The following RNF14 variants were observed in gnomAD, a reference collection of about 807,000 sequenced individuals.
The protein encoded by RNF14 is ring finger protein 14, also known as E3 ubiquitin-protein ligase RNF14.
In RNF14, 26 loss-of-function variants were observed where a neutral mutation model predicts 52.6. That is an observed-to-expected ratio of 0.49 (90% CI 0.36 to 0.69). RNF14 has a LOEUF of 0.69. RNF14 is among the 30% of genes least tolerant of loss of function. RNF14 has a pLI of 0.00. For missense variants in RNF14, 404 were observed against 560.4 expected (o/e 0.72, Z 2.82); for synonymous variants, 194 against 202.0 (o/e 0.96, Z 0.34).
upstream of RNF14, chr5:141,956,064 A>T (rs763110745): frequency 6.2e-7 from 1 of 1,614,090 alleles, no homozygotes; most frequent in South Asian, 1.1e-5. Flanking sequence ...GGCCCAAGCC[A>T]TTGGGAGTCT....
In RNF14 at chr5:141,973,161, GAA is replaced by G. The variant is rs558250360; in HGVS notation, c.-6-419_-6-418del. Among the ~76,000 whole-genome samples the G allele has an allele frequency of 3.2e-4, 48 of 152,154 alleles. No homozygotes were observed. In the South Asian group the frequency reaches 1.0e-2, roughly 32 times the overall value. ...TATGGCTGTCATTTTTGGTTTAGGA[GAA>G]AAGTGATAATATCGATTAATTCTTT... On this transcript the variant is annotated intron_variant, in intron 2 of 8. Coordinates refer to ENST00000394520, the MANE Select transcript of RNF14 (RefSeq NM_004290.5).
chr5:141,957,886 T>C, upstream of RNF14: 1 of 1,571,950 alleles, frequency 6.4e-7, no homozygotes, highest in Middle Eastern at 1.7e-4. This position sits in a 1 kb window ranked among gnomAD's most constrained non-coding sequence, Gnocchi z 4.3. Context: ...CAGAAACCAC[T>C]AGAGTTCTTT....
At chr5:141,980,495 TG>T in intron 6 of RNF14, 144 bp downstream of exon 6, 1 of 687,794 alleles carries the variant, frequency 1.5e-6, no homozygotes, top group Non-Finnish European at 2.5e-6. Flanking sequence ...TCTCAGGCCT[TG>T]GGGCTGTAGT....
chr5:141,958,462 T>TG (rs1753223335), intron 1 of RNF14: 1 of 152,948 alleles, frequency 6.5e-6, no homozygotes, highest in African/African-American at 2.4e-5. Context: ...TGCTTGCACG[T>TG]GGACTGATGC....
the RNF14 span, among the ~76,000 whole-genome samples, chr5:141,951,949 T>TA: frequency 6.6e-6 from 1 of 152,268 alleles, no homozygotes; most frequent in Non-Finnish European, 1.5e-5. Flanking sequence ...AAGATTATCT[T>TA]AAAGAGTTAT....
chr5:141,971,588 TTTC>T, intron 2 of RNF14, among the ~76,000 whole-genome samples: 1 of 146,714 alleles, frequency 6.8e-6, no homozygotes, highest in Middle Eastern at 3.4e-3. Flanking sequence ...TCTTTCTTTC[TTTC>T]TTTCTTTCTT....
chr5:141,972,731 C>T lies in RNF14; in HGVS notation c.-6-852C>T, dbSNP rs563335602. On this transcript the variant is annotated intron_variant, in intron 2 of 8. Transcript: ENST00000394520. ...TCAACCTCCCGAGTAGCTGGGATTACAGGGGTGAGCCACCACACCCAGCTA... is the reference window on the plus strand; with the variant it reads ...TCAACCTCCCGAGTAGCTGGGATTATAGGGGTGAGCCACCACACCCAGCTA... Among the ~76,000 whole-genome samples, 5 of 152,206 alleles carry T rather than the reference C, an allele frequency of 3.3e-5. No individual in the cohort carries two copies. In the South Asian group the frequency reaches 1.0e-3, roughly 32 times the overall value.
chr5:141,987,753 T>C lies in RNF14; in HGVS notation c.1388T>C (p.Val463Ala), dbSNP rs780513365. 1.2e-6 allele frequency: 2 copies of C among 1,614,054 alleles called. No homozygotes were observed. Among genetic ancestry groups the C allele is most frequent in the East Asian group, 4.5e-5 (2 of 44,866 alleles). Residue 463 changes from valine to alanine, a missense_variant, in exon 9 of 9, where the codon GTT becomes GCT. By Grantham distance (64) the Val-to-Ala change is moderately conservative (BLOSUM62 0). Coordinates refer to ENST00000394520, the MANE Select transcript of RNF14 (RefSeq NM_004290.5). The stretch of plus-strand genomic sequence containing the variant: ...TCCAGGCTGTTTTATGCTGTGGATG[T>C]TGACGACGATATTTGGGAAGATGAG... Reference protein sequence around the residue: ...CFNRLFYAVDVDDDIWEDEVE... With the variant: ...CFNRLFYAVDADDDIWEDEVE...
Position 141,978,698 on chromosome 5 carries a change from C to A in RNF14, c.702C>A (p.Tyr234Ter). Residue 234 changes from tyrosine to a stop codon, truncating the protein, a stop_gained, in exon 5 of 9, where the codon TAC (tyrosine) becomes TAA (stop). Coordinates refer to ENST00000394520, the MANE Select transcript of RNF14 (RefSeq NM_004290.5). LOFTEE classifies it high-confidence loss of function. ...FCEKLGSECM[Y>*]FLECRHVYCK... ...AGAAGCTGGGTAGTGAATGCATGTA[C>A]TTCTTGGAGTGCAGGCATGTGTACT... The A allele has an allele frequency of 6.2e-7, 1 of 1,614,018 alleles. No individual in the cohort carries two copies. The highest frequency in any genetic ancestry group is 8.5e-7 in the Non-Finnish European group (1 of 1,179,876).
At chr5:141,950,607 A>C in the RNF14 span, among the ~76,000 whole-genome samples, 1 of 152,180 alleles carries the variant, frequency 6.6e-6, no homozygotes, top group African/African-American at 2.4e-5. Context: ...AGATAAAGCA[A>C]GACTTCAAAT....
At chr5:141,963,845 A>C (rs1753294870), upstream of RNF14, among the ~76,000 whole-genome samples, 1 of 152,172 alleles carries the variant, frequency 6.6e-6, no homozygotes, top group Admixed American at 6.5e-5. Flanking sequence ...CGTTACATAA[A>C]TTCTCATGGG....
upstream of RNF14, chr5:141,957,933 C>T: frequency 6.0e-6 from 9 of 1,490,462 alleles, no homozygotes; most frequent in Non-Finnish European, 7.2e-6. The surrounding 1 kb of genome is among the most constrained non-coding windows in gnomAD (Gnocchi z 4.3). Context: ...TCCTGGATGG[C>T]TTGATCAGCC....
chr5:141,973,366 T>G (rs1233629043), intron 2 of RNF14, among the ~76,000 whole-genome samples: 1 of 151,832 alleles, frequency 6.6e-6, no homozygotes, highest in Non-Finnish European at 1.5e-5. Flanking sequence ...GCCTCCCAAG[T>G]AGCTGGGATT....
In RNF14 at chr5:141,988,674, G is replaced by C. The variant is rs550611010; in HGVS notation, c.*884G>C. 6.6e-6 allele frequency: 1 copy of C among 152,304 alleles called. No homozygotes were observed. Among genetic ancestry groups the C allele is most frequent in the African/African-American group, 2.4e-5 (1 of 41,514 alleles). The allele number at this position is 152,304 out of a possible 1,614,324, so 9.4% of individuals were successfully genotyped here. ...ACACATGTTTTTATTTCCTCTGCTG[G>C]AATAGGAGAAAGCTTAATATATTCC... is the stretch of plus-strand genomic sequence containing the variant. On this transcript the variant is annotated 3_prime_UTR_variant, in exon 9 of 9. Coordinates refer to ENST00000394520, the MANE Select transcript of RNF14 (RefSeq NM_004290.5).
At chr5:141,967,349 G>A (rs1023580575), upstream of RNF14, among the ~76,000 whole-genome samples, 4 of 152,152 alleles carry the variant, frequency 2.6e-5, no homozygotes, top group African/African-American at 7.2e-5. Flanking sequence ...TAAGTTATTG[G>A]GGTACAGGTG....
upstream of RNF14, among the ~76,000 whole-genome samples, chr5:141,965,978 T>TA (rs545449787): frequency 0.034 from 4,267 of 126,954 alleles, 91 homozygotes; most frequent in African/African-American, 0.074. Flanking sequence ...ACTTAAAAGT[T>TA]AAAAAAAAAA....
Position 141,975,006 on chromosome 5 carries a change from C to A in RNF14, c.306+51C>A, listed in dbSNP as rs372319011. 29 of 1,555,618 alleles carry A rather than the reference C, an allele frequency of 1.9e-5. 2 individuals carry two copies. In the African/African-American group the frequency reaches 2.0e-4, roughly 11 times the overall value. On this transcript the variant is annotated intron_variant, in intron 4 of 8. Coordinates refer to ENST00000394520, the MANE Select transcript of RNF14 (RefSeq NM_004290.5). ...TATCCATTTTTAGAAACTTAAAAAT[C>A]ACCTTTAATTGAAGACTATCTTAAA...
At chr5:141,950,001 G>A in the RNF14 span, among the ~76,000 whole-genome samples, 920 of 152,322 alleles carry the variant, frequency 6.0e-3, 11 homozygotes, top group African/African-American at 0.021. Context: ...CCATCCGTCC[G>A]TAGGAGAAGG....
upstream of RNF14, among the ~76,000 whole-genome samples, chr5:141,968,262 TG>T (rs1338998660): frequency 6.6e-6 from 1 of 152,048 alleles, no homozygotes; most frequent in Non-Finnish European, 1.5e-5. Flanking sequence ...CCCGCCACCA[TG>T]CCCGGCTTAT....
Sources: allele counts gnomAD v4.1 joint callset (sites outside exome capture counted in the v4.1 genomes callset), GRCh38; gene constraint gnomAD v4.1.1; non-coding constraint Gnocchi (gnomAD v3.1); transcripts MANE v1.5; gene names NCBI Gene and HGNC (gene_info 2026-07-23, HGNC 2026-07-21).